EML6: variants seen among roughly 807,000 people sequenced by gnomAD.
EML6 encodes echinoderm microtubule-associated protein-like 6.
A neutral mutation model predicts 240.1 loss-of-function variants in EML6; 154 were observed. The observed-to-expected ratio is 0.64, with a 90% CI of 0.56 to 0.73. The LOEUF is 0.73. Among genes scored for constraint, EML6 ranks in the 30% least tolerant of loss-of-function variants. EML6 has a pLI of 0.00. For missense variants in EML6, 2,964 were observed against 2,474.6 expected (o/e 1.20, Z -4.20); for synonymous variants, 1,148 against 899.0 (o/e 1.28, Z -4.95).
At chr2:54,755,360 T>A (rs993453049) in intron 2 of EML6, among the ~76,000 whole-genome samples, 3 of 152,222 alleles carry the variant, frequency 2.0e-5, no homozygotes. Context: ...TATTTCTGTA[T>A]CAGTTTTAGA....
chr2:54,773,200 A>G (rs1265172477), intron 2 of EML6, among the ~76,000 whole-genome samples: 1 of 152,342 alleles, frequency 6.6e-6, no homozygotes, highest in East Asian at 1.9e-4. Context: ...GCTGCTGGCT[A>G]TATGAGAGAT....
intron 28 of EML6, among the ~76,000 whole-genome samples, chr2:54,942,123 C>A (rs1441288868): frequency 2.0e-5 from 3 of 152,282 alleles, no homozygotes; most frequent in East Asian, 3.9e-4. Flanking sequence ...GCAATGACTT[C>A]TGTCTGATAA....
chr2:54,743,239 A>C (rs1056112369), intron 2 of EML6, among the ~76,000 whole-genome samples: 3 of 152,162 alleles, frequency 2.0e-5, no homozygotes, highest in African/African-American at 7.2e-5. Flanking sequence ...CTCATGTAGC[A>C]CTCATGGAGA....
chr2:54,964,715 G>T lies in EML6; in HGVS notation c.5475G>T (p.Ala1825=), dbSNP rs577534823. The change falls in exon 38 of 42, where the codon GCG becomes GCT. Residue 1825 remains alanine, a synonymous_variant. Coordinates refer to ENST00000356458, the MANE Select transcript of EML6 (RefSeq NM_001039753.4). ...PSFVIQMDFS[A]DGKYIQVSTG... is the part of the protein sequence containing the mutation. ...TTGTCATTCAGATGGATTTTTCTGCGGATGGCAAATACATTCAGGTATGCT... is the reference window on the plus strand; with the variant it reads ...TTGTCATTCAGATGGATTTTTCTGCTGATGGCAAATACATTCAGGTATGCT... The T allele has an allele frequency of 2.6e-6, 4 of 1,551,768 alleles. No individual in the cohort carries two copies. The highest frequency in any genetic ancestry group is 2.7e-5 in the African/African-American group (2 of 73,038).
At chr2:54,965,003 C>T (rs1676685494) in intron 38 of EML6, among the ~76,000 whole-genome samples, 1 of 152,250 alleles carries the variant, frequency 6.6e-6, no homozygotes, top group African/African-American at 2.4e-5. Flanking sequence ...CTGCCCCTCA[C>T]CACCTCCTCT....
intron 28 of EML6, among the ~76,000 whole-genome samples, chr2:54,938,651 A>G (rs897718017): frequency 6.6e-6 from 1 of 152,234 alleles, no homozygotes; most frequent in Non-Finnish European, 1.5e-5. Context: ...TATGGGAACT[A>G]ACTGACTTTG....
At chr2:54,961,591 G>A (rs10205017) in intron 35 of EML6, among the ~76,000 whole-genome samples, 133,997 of 152,060 alleles carry the variant, frequency 0.88, 59,097 homozygotes, top group Middle Eastern at 0.97. Context: ...GGAATATTCT[G>A]GCAGAGGCTG....
chr2:54,732,759 A>G (rs354237), intron 2 of EML6, among the ~76,000 whole-genome samples: 8 of 152,140 alleles, frequency 5.3e-5, no homozygotes, highest in Admixed American at 3.9e-4. Context: ...AATGAGTGAC[A>G]TATAGATTTT....
chr2:54,908,061 A>G (rs1673442523), intron 24 of EML6, among the ~76,000 whole-genome samples: 1 of 152,172 alleles, frequency 6.6e-6, no homozygotes, highest in Non-Finnish European at 1.5e-5. Context: ...ATGCTTAAGA[A>G]ACATGTATTA....
At chr2:54,949,601 C>A (rs1187731714) in intron 29 of EML6, among the ~76,000 whole-genome samples, 1 of 152,222 alleles carries the variant, frequency 6.6e-6, no homozygotes, top group East Asian at 1.9e-4. Context: ...TCCACCCTCT[C>A]TCTCTGACAC....
intron 2 of EML6, among the ~76,000 whole-genome samples, chr2:54,745,740 C>T (rs1332937185): frequency 3.3e-5 from 5 of 152,082 alleles, no homozygotes; most frequent in African/African-American, 9.7e-5. Context: ...ATATTCACTC[C>T]ACCACACTCC....
At chr2:54,969,758 G>T (rs1402430354) in intron 41 of EML6, among the ~76,000 whole-genome samples, 1 of 152,206 alleles carries the variant, frequency 6.6e-6, no homozygotes, top group East Asian at 1.9e-4. Flanking sequence ...TCAAGTGGAG[G>T]TGATAAACCT....
Position 54,844,084 on chromosome 2 carries a change from C to T in EML6, c.885C>T (p.Arg295=). The change falls in exon 8 of 42, where the codon CGC becomes CGT. Residue 295 remains arginine (R), a synonymous_variant. Coordinates refer to ENST00000356458, the MANE Select transcript of EML6 (RefSeq NM_001039753.4). ...GGAGCGTGTGCTGGAAAGCAGACCGCCTTCTAGCAGGGACCCAGGACAGTG... is the reference window on the plus strand; with the variant it reads ...GGAGCGTGTGCTGGAAAGCAGACCGTCTTCTAGCAGGGACCCAGGACAGTG... The part of the protein sequence containing the change: ...SIRSVCWKAD[R]LLAGTQDSEI... 1 of 1,550,854 alleles carries T rather than the reference C, an allele frequency of 6.4e-7. No individual in the cohort carries two copies. The highest frequency in any genetic ancestry group is 8.7e-7 in the Non-Finnish European group (1 of 1,146,684).
At chr2:54,824,311 C>G (rs532801880) in intron 5 of EML6, among the ~76,000 whole-genome samples, 2 of 152,254 alleles carry the variant, frequency 1.3e-5, no homozygotes, top group East Asian at 3.9e-4. Context: ...GACATTTTTT[C>G]TAAGCAAATA....
chr2:54,921,017 A>G (rs967425784), intron 26 of EML6, among the ~76,000 whole-genome samples: 2 of 152,140 alleles, frequency 1.3e-5, no homozygotes, highest in East Asian at 1.9e-4. Context: ...AATAAAGGCC[A>G]TAAATGAAAA....
chr2:54,880,466 A>G (rs1671756481), intron 17 of EML6: 1 of 152,200 alleles, frequency 6.6e-6, no homozygotes. Flanking sequence ...CCTCTACAAT[A>G]TTAAATAGGA....
At chr2:54,804,699 A>G (rs181647159) in intron 2 of EML6, among the ~76,000 whole-genome samples, 3 of 152,368 alleles carry the variant, frequency 2.0e-5, no homozygotes, top group African/African-American at 7.2e-5. Flanking sequence ...AACAGAAAGC[A>G]TTATAATGTA....
At chr2:54,816,922 A>C in intron 4 of EML6, 37 bp downstream of exon 4, 1 of 1,320,966 alleles carries the variant, frequency 7.6e-7, no homozygotes, top group South Asian at 1.3e-5. Context: ...CAGATTTCAG[A>C]ACTTGGGGGG....
chr2:54,908,853 G>A (rs1673485865), intron 24 of EML6, among the ~76,000 whole-genome samples: 1 of 152,186 alleles, frequency 6.6e-6, no homozygotes, highest in East Asian at 1.9e-4. Context: ...GGCCCCTCCA[G>A]GATCAACATC....
Sources: gnomAD v4.1 joint callset for allele counts (sites outside exome capture counted in the v4.1 genomes callset) on GRCh38, gnomAD v4.1.1 for gene constraint, MANE v1.5 for transcripts, NCBI Gene and HGNC (gene_info 2026-07-23, HGNC 2026-07-21) for gene names.